FOXP2: variants seen among roughly 807,000 people sequenced by gnomAD.
FOXP2 encodes forkhead box P2.
In FOXP2, 12 loss-of-function variants were observed where a neutral mutation model predicts 115.8. The observed-to-expected ratio is 0.10, with a 90% CI of 0.07 to 0.17. FOXP2 has a LOEUF of 0.17. Among genes scored for constraint, FOXP2 ranks in the 10% least tolerant of loss-of-function variants. FOXP2 has a pLI of 1.00. For synonymous variants in FOXP2, 328 were observed against 297.7 expected (o/e 1.10, Z -1.05); for missense variants, 629 against 843.5 (o/e 0.75, Z 3.15).
intron 2 of FOXP2, among the ~76,000 whole-genome samples, chr7:114,489,514 A>G (rs763898928): frequency 6.6e-6 from 1 of 151,622 alleles, no homozygotes; most frequent in Non-Finnish European, 1.5e-5. Flanking sequence ...CCTTTCCAGT[A>G]TTTCCCATTC....
chr7:114,453,124 G>A (rs1370651168), intron 2 of FOXP2, among the ~76,000 whole-genome samples: 1 of 152,084 alleles, frequency 6.6e-6, no homozygotes, highest in Non-Finnish European at 1.5e-5. Context: ...AAACACATCA[G>A]GGATGTGAAC....
chr7:114,477,318 G>A (rs1000430411), intron 2 of FOXP2, among the ~76,000 whole-genome samples: 5 of 151,818 alleles, frequency 3.3e-5, no homozygotes, highest in African/African-American at 1.2e-4. Flanking sequence ...CATGAAATAC[G>A]ACACAGCCAT....
chr7:114,177,626 G>A (rs1793350263), intron 1 of FOXP2, among the ~76,000 whole-genome samples: 1 of 151,990 alleles, frequency 6.6e-6, no homozygotes, highest in South Asian at 2.1e-4. Flanking sequence ...ATAACTTGAA[G>A]TGGGATGTAT....
intron 2 of FOXP2, among the ~76,000 whole-genome samples, chr7:114,338,392 T>C (rs1248584126): frequency 1.6e-4 from 24 of 150,960 alleles, no homozygotes; most frequent in Admixed American, 1.5e-3. Flanking sequence ...ATGTTGAAAG[T>C]TATTAACTAT....
intron 1 of FOXP2, among the ~76,000 whole-genome samples, chr7:114,246,709 G>A (rs938339678): frequency 2.6e-5 from 4 of 151,958 alleles, no homozygotes; most frequent in African/African-American, 9.7e-5. Flanking sequence ...AATAAGCATC[G>A]ATGCCTGGTT....
At chr7:114,398,920 A>G (rs1015672113) in intron 2 of FOXP2, among the ~76,000 whole-genome samples, 1 of 152,168 alleles carries the variant, frequency 6.6e-6, no homozygotes, top group African/African-American at 2.4e-5. Flanking sequence ...AGTGAGCACC[A>G]TATGTTTGTA....
At chr7:114,212,075 T>TA (rs1369106312) in intron 1 of FOXP2, among the ~76,000 whole-genome samples, 4 of 134,646 alleles carry the variant, frequency 3.0e-5, no homozygotes, top group Non-Finnish European at 4.7e-5. Flanking sequence ...GTTTCAAAAA[T>TA]AAATAAAATA....
intron 2 of FOXP2, among the ~76,000 whole-genome samples, chr7:114,394,185 G>A (rs766260329): frequency 4.6e-5 from 7 of 152,038 alleles, no homozygotes; most frequent in Non-Finnish European, 7.4e-5. Flanking sequence ...TATAAAATAA[G>A]CCTGGAGCAT....
intron 3 of FOXP2, among the ~76,000 whole-genome samples, chr7:114,602,263 T>C (rs1442837629): frequency 9.9e-5 from 15 of 152,096 alleles, no homozygotes. Flanking sequence ...TTTATCTTAA[T>C]ATCTTTCTGT....
Position 114,549,325 on chromosome 7 carries a change from C to T in FOXP2, c.258+14619C>T, listed in dbSNP as rs192255441. ...CCTAGGGTCAAACTTCAGTTCTGTC[C>T]GATTACAAGGTCTCTTTTTTCCCCC... On this transcript the variant is annotated intron_variant, in intron 3 of 16. Transcript: ENST00000350908. 4.7e-3 allele frequency among the ~76,000 whole-genome samples: 711 copies of T among 152,194 alleles called. 4 individuals are homozygous for T. The highest frequency in any genetic ancestry group is 0.017 in the African/African-American group (689 of 41,506).
chr7:114,511,863 G>A (rs1044049746), intron 2 of FOXP2, among the ~76,000 whole-genome samples: 1 of 151,692 alleles, frequency 6.6e-6, no homozygotes, highest in Non-Finnish European at 1.5e-5. Context: ...CATTTACTTT[G>A]TCCATGTTTT....
At chr7:114,132,425 C>T (rs943385836) in intron 1 of FOXP2, among the ~76,000 whole-genome samples, 1 of 152,014 alleles carries the variant, frequency 6.6e-6, no homozygotes, top group Non-Finnish European at 1.5e-5. Context: ...AAAAAAATCA[C>T]TTATCTTCTG....
chr7:114,578,511 G>GCTA (rs1227364453), intron 3 of FOXP2, among the ~76,000 whole-genome samples: 2 of 152,030 alleles, frequency 1.3e-5, no homozygotes, highest in East Asian at 3.9e-4. Context: ...TCAAGAGGGA[G>GCTA]CTACTGATGA....
At chr7:114,354,701 A>G (rs1277402754) in intron 2 of FOXP2, among the ~76,000 whole-genome samples, 1 of 152,024 alleles carries the variant, frequency 6.6e-6, no homozygotes, top group Non-Finnish European at 1.5e-5. Flanking sequence ...CTCCCCCTAT[A>G]TTATATAAGC....
chr7:114,391,484 T>C (rs548284284), intron 2 of FOXP2, among the ~76,000 whole-genome samples: 72 of 152,312 alleles, frequency 4.7e-4, no homozygotes, highest in African/African-American at 1.7e-3. Context: ...TGTGGTACTT[T>C]TATAAATATT....
chr7:114,108,898 C>A (rs1055847189), intron 1 of FOXP2, among the ~76,000 whole-genome samples: 11 of 151,886 alleles, frequency 7.2e-5, no homozygotes, highest in Admixed American at 5.3e-4. Flanking sequence ...TGAACTATAT[C>A]TAGCAATATT....
intron 1 of FOXP2, among the ~76,000 whole-genome samples, chr7:114,109,922 C>T (rs952073651): frequency 6.6e-6 from 1 of 151,932 alleles, no homozygotes; most frequent in Non-Finnish European, 1.5e-5. Flanking sequence ...ATTTTCTGTC[C>T]TATTTTGTAT....
In FOXP2 at chr7:114,663,526, T is replaced by C. The variant is rs1216684152; in HGVS notation, c.1839+7T>C. The C allele has an allele frequency of 1.2e-6, 2 of 1,608,928 alleles. No homozygotes were observed. The highest frequency in any genetic ancestry group is 1.3e-5 in the African/African-American group (1 of 74,796). The stretch of plus-strand genomic sequence containing the variant: ...TCTTAATGCCAGTTTGCAGGTAATG[T>C]ACTTTCCCAGTTTTGTTGTATTTGA... On this transcript the variant is annotated splice_region_variant and intron_variant, in intron 15 of 16. Transcript: ENST00000350908.
At chr7:114,201,315 G>A (rs935014134) in intron 1 of FOXP2, among the ~76,000 whole-genome samples, 39 of 151,632 alleles carry the variant, frequency 2.6e-4, no homozygotes, top group African/African-American at 9.2e-4. Flanking sequence ...TACAAAAAAC[G>A]AAAAATTAGC....
Sources: allele counts gnomAD v4.1 joint callset (sites outside exome capture counted in the v4.1 genomes callset), GRCh38; gene constraint gnomAD v4.1.1; transcripts MANE v1.5; gene names NCBI Gene and HGNC (gene_info 2026-07-23, HGNC 2026-07-21).